Variants in STIM1 observed in about 807,000 individuals in gnomAD.
The protein encoded by STIM1 is stromal interaction molecule 1.
A neutral mutation model predicts 74.7 loss-of-function variants in STIM1; 25 were observed. That is an observed-to-expected ratio of 0.33 (90% CI 0.24 to 0.47). STIM1 has a LOEUF of 0.47. Ranked by LOEUF, STIM1 falls within the 20% of genes least tolerant of loss-of-function variation. STIM1 has a pLI of 1.00. For missense variants in STIM1, 728 were observed against 920.8 expected, an observed-to-expected ratio of 0.79 and a Z score of 2.71; for synonymous variants, 328 against 348.8, an observed-to-expected ratio of 0.94 and a Z score of 0.66.
At chr11:4,022,609 A>T (rs981052863) in intron 2 of STIM1, among the ~76,000 whole-genome samples, 6 of 152,292 alleles carry the variant, frequency 3.9e-5, no homozygotes, top group Non-Finnish European at 7.4e-5. Context: ...TGGGTTTGTC[A>T]TATATGGCCT....
chr11:3,900,795 T>C (rs2092328093), intron 1 of STIM1, among the ~76,000 whole-genome samples: 2 of 152,210 alleles, frequency 1.3e-5, no homozygotes, highest in South Asian at 4.1e-4. Context: ...AAGCTGGTCT[T>C]GAACTCCTGG....
intron 3 of STIM1, among the ~76,000 whole-genome samples, chr11:4,048,094 C>T (rs1040486960): frequency 2.0e-5 from 3 of 152,174 alleles, no homozygotes; most frequent in African/African-American, 7.2e-5. Context: ...GTTGGGATTA[C>T]AGGTGTTGAG....
At chr11:4,016,359 T>G (rs2093896834) in intron 2 of STIM1, among the ~76,000 whole-genome samples, 1 of 152,218 alleles carries the variant, frequency 6.6e-6, no homozygotes, top group South Asian at 2.1e-4. Context: ...CCTGTTTGCC[T>G]GGGTATCACC....
intron 12 of STIM1, among the ~76,000 whole-genome samples, chr11:4,090,151 A>C (rs75394780): frequency 0.042 from 6,329 of 152,272 alleles, 414 homozygotes; most frequent in African/African-American, 0.14. Flanking sequence ...TCAGCTTGGC[A>C]GGCCTCATCA....
At chr11:4,081,722 G>A (rs978794999) in intron 7 of STIM1, among the ~76,000 whole-genome samples, 1 of 152,204 alleles carries the variant, frequency 6.6e-6, no homozygotes, top group South Asian at 2.1e-4. Flanking sequence ...GAAGCACAGG[G>A]TCACACAACC....
intron 2 of STIM1, among the ~76,000 whole-genome samples, chr11:4,006,046 C>T (rs1405631785): frequency 6.6e-6 from 1 of 152,172 alleles, no homozygotes; most frequent in Non-Finnish European, 1.5e-5. Context: ...TCTGTGTCCC[C>T]ACCAAATCTC....
intron 1 of STIM1, among the ~76,000 whole-genome samples, chr11:3,934,788 A>G (rs1318745766): frequency 1.3e-5 from 2 of 152,360 alleles, no homozygotes; most frequent in South Asian, 2.1e-4. Context: ...GCAGTGCAGT[A>G]GCTGACTTTG....
chr11:3,979,982 C>G (rs11030485), intron 2 of STIM1, among the ~76,000 whole-genome samples: 8,510 of 152,216 alleles, frequency 0.056, 389 homozygotes, highest in East Asian at 0.18. Flanking sequence ...CCCATTCCTA[C>G]TGATCTTCCT....
At chr11:3,895,796 C>T (rs1187435355) in intron 1 of STIM1, among the ~76,000 whole-genome samples, 3 of 84,316 alleles carry the variant, frequency 3.6e-5, no homozygotes, top group African/African-American at 2.5e-4. Context: ...TCCTTCCTTC[C>T]TTCCTTCCTT....
chr11:3,942,676 A>T (rs1565123189), intron 1 of STIM1, among the ~76,000 whole-genome samples: 1 of 152,326 alleles, frequency 6.6e-6, no homozygotes, highest in East Asian at 1.9e-4. Context: ...TTTATACAGC[A>T]TTAAAGGACT....
At chr11:3,905,060 A>G (rs2092442008) in intron 1 of STIM1, among the ~76,000 whole-genome samples, 3 of 152,084 alleles carry the variant, frequency 2.0e-5, no homozygotes, top group African/African-American at 7.2e-5. Context: ...AGGAGGGGCA[A>G]TCAGAGAGGC....
At chr11:4,012,632 G>A (rs1372688128) in intron 2 of STIM1, among the ~76,000 whole-genome samples, 6 of 152,154 alleles carry the variant, frequency 3.9e-5, no homozygotes, top group African/African-American at 9.7e-5. Context: ...GGGCGGAGAC[G>A]ATGGGGTTTT....
intron 2 of STIM1, among the ~76,000 whole-genome samples, chr11:4,009,167 C>G (rs1038849247): frequency 6.6e-6 from 1 of 151,826 alleles, no homozygotes; most frequent in Non-Finnish European, 1.5e-5. Context: ...TGGTGGCAGG[C>G]CCCTGTAGTC....
chr11:4,044,382 A>G (rs574670678), intron 3 of STIM1, among the ~76,000 whole-genome samples: 2 of 94,440 alleles, frequency 2.1e-5, no homozygotes, highest in African/African-American at 6.0e-5. Flanking sequence ...GATTCTTCCT[A>G]TCTTCTCTTT....
rs148892764 is a variant in STIM1, at chr11:4,049,205, A to C, written c.386-6321A>C. Among the ~76,000 whole-genome samples the C allele has an allele frequency of 1.4e-3, 210 of 152,294 alleles. 1 individual carries two copies. Among genetic ancestry groups the C allele is most frequent in the Middle Eastern group, 3.4e-3 (1 of 294 alleles). On this transcript the variant is annotated intron_variant, in intron 3 of 12. Transcript: ENST00000526596. The stretch of plus-strand genomic sequence containing the variant: ...GAGTTGGTTCCTGTTATGACAGAAA[A>C]TCCTTTCAATCTGATATAAGCAAAA...
chr11:3,989,486 C>A, intron 2 of STIM1: 1 of 651,370 alleles, frequency 1.5e-6, no homozygotes, highest in Non-Finnish European at 2.9e-6. Context: ...AGGGTGCGTG[C>A]GGGATGTCTG....
chr11:4,016,222 G>A (rs1197565616), intron 2 of STIM1, among the ~76,000 whole-genome samples: 1 of 152,132 alleles, frequency 6.6e-6, no homozygotes, highest in African/African-American at 2.4e-5. Context: ...CCTACAGATG[G>A]GGTTTTGGTG....
chr11:3,903,473 A>T (rs914944728), intron 1 of STIM1: 5 of 152,192 alleles, frequency 3.3e-5, no homozygotes, highest in African/African-American at 1.2e-4. Context: ...ACTTCCTGAG[A>T]TGGCTCTGTC....
chr11:4,043,421 C>T (rs934219127), intron 3 of STIM1, among the ~76,000 whole-genome samples: 1 of 152,152 alleles, frequency 6.6e-6, no homozygotes, highest in Non-Finnish European at 1.5e-5. Flanking sequence ...TACCTCCCCC[C>T]TTTACCTCCG....
Sources: allele counts gnomAD v4.1 joint callset (sites outside exome capture counted in the v4.1 genomes callset), GRCh38; gene constraint gnomAD v4.1.1; transcripts MANE v1.5; gene names NCBI Gene and HGNC (gene_info 2026-07-23, HGNC 2026-07-21).